The following SEMA5A variants were observed in gnomAD, a reference collection of about 807,000 sequenced individuals.
SEMA5A encodes the protein semaphorin-5A.
In SEMA5A, 55 loss-of-function variants were observed where a neutral mutation model predicts 135.5. The ratio of observed to expected loss-of-function variants is 0.41; its 90% CI spans 0.33 to 0.51. The LOEUF (loss-of-function observed/expected upper bound fraction) is 0.51. Ranked by LOEUF, SEMA5A falls within the 20% of genes least tolerant of loss-of-function variation. The pLI is 0.37. For missense variants in SEMA5A, 1,290 were observed against 1,419.9 expected (o/e 0.91, Z 1.47); for synonymous variants, 580 against 546.5 (o/e 1.06, Z -0.85).
Position 9,337,746 on chromosome 5 carries a change from T to A in SEMA5A, c.191A>T (p.Asp64Val). The stretch of plus-strand genomic sequence containing the variant: ...TACAACAAGTTCTTTCTGTCCTGGG[T>A]CAAATGTTAACTGCGAGAAATCCAC... ...NAVDFSQLTF[D>V]PGQKELVVGA... Residue 64 changes from aspartate (D) to valine (V), a missense_variant, in exon 4 of 23, where the codon GAC (aspartate) becomes GTC (valine). Asp to Val is a radical substitution (Grantham distance 152, BLOSUM62 -3). Around this residue, in one of 3 missense-constraint regions of SEMA5A, gnomAD observed 116 missense variants for 121.3 expected, o/e 0.96. Transcript: ENST00000382496. 6.2e-7 allele frequency: 1 copy of A among 1,611,942 alleles called. No individual in the cohort carries two copies. Among genetic ancestry groups the A allele is most frequent in the African/African-American group, 1.3e-5 (1 of 75,012 alleles).
intron 12 of SEMA5A, among the ~76,000 whole-genome samples, chr5:9,138,804 T>C (rs1390605171): frequency 2.6e-5 from 4 of 152,238 alleles, no homozygotes; most frequent in African/African-American, 9.6e-5. Context: ...GTCATTCTTA[T>C]GCCTTTGCAT....
At chr5:9,484,167 A>G (rs1351700163) in intron 1 of SEMA5A, among the ~76,000 whole-genome samples, 2 of 152,256 alleles carry the variant, frequency 1.3e-5, no homozygotes, top group Non-Finnish European at 2.9e-5. Context: ...ATTACATTTT[A>G]GACAACTTTT....
At chr5:9,271,740 G>A (rs1357541635) in intron 5 of SEMA5A, among the ~76,000 whole-genome samples, 1 of 152,146 alleles carries the variant, frequency 6.6e-6, no homozygotes, top group South Asian at 2.1e-4. Flanking sequence ...CCAAAGCAGG[G>A]TGGGGCATCA....
intron 15 of SEMA5A, among the ~76,000 whole-genome samples, chr5:9,109,118 G>A (rs1002423691): frequency 5.3e-5 from 7 of 133,296 alleles, no homozygotes; most frequent in African/African-American, 2.0e-4. Context: ...TCGGCTCACT[G>A]CAAGCTCCGC....
At chr5:9,377,872 C>G (rs1342492249) in intron 3 of SEMA5A, among the ~76,000 whole-genome samples, 1 of 151,948 alleles carries the variant, frequency 6.6e-6, no homozygotes, top group Non-Finnish European at 1.5e-5. Context: ...ATGAGTGATT[C>G]CCAGGTCTGT....
intron 19 of SEMA5A, 157 bp downstream of exon 19, chr5:9,053,930 T>C (rs1736738722): frequency 2.8e-6 from 2 of 714,076 alleles, no homozygotes; most frequent in Non-Finnish European, 2.2e-6. Context: ...ATAGATGCTA[T>C]GTTTTAAAGT....
intron 8 of SEMA5A, among the ~76,000 whole-genome samples, chr5:9,219,700 C>T (rs764452802): frequency 1.6e-4 from 25 of 152,138 alleles, no homozygotes; most frequent in Non-Finnish European, 2.2e-4. Context: ...GACTTTCAGC[C>T]TCCAGAAGTT....
chr5:9,384,595 G>GATAGATAGATAGATAC (rs1561207703), intron 2 of SEMA5A, among the ~76,000 whole-genome samples: 10 of 100,780 alleles, frequency 9.9e-5, no homozygotes, highest in Non-Finnish European at 1.9e-4. Flanking sequence ...TAGATAGATA[G>GATAGATAGATAGATAC]ATAGATAGAT....
chr5:9,333,627 C>T (rs1485282504), intron 4 of SEMA5A, among the ~76,000 whole-genome samples: 1 of 152,152 alleles, frequency 6.6e-6, no homozygotes, highest in Non-Finnish European at 1.5e-5. Context: ...TTATAATCTT[C>T]TATACAAAAA....
rs543672008 is a variant in SEMA5A at position 9,398,506 on chromosome 5, G to A, written c.-77-18483C>T. On this transcript the variant is annotated intron_variant, in intron 2 of 22. Transcript: ENST00000382496. ...ACAGATTGGAACAGAAAAGGTTATA[G>A]CAAGGGCCAGGTCTGCAAACACATT... 3.3e-5 allele frequency among the ~76,000 whole-genome samples: 5 copies of A among 152,310 alleles called. No individual in the cohort carries two copies. In the Middle Eastern group the frequency reaches 0.01, roughly 311 times the overall value.
Position 9,122,762 on chromosome 5 carries a change from C to T in SEMA5A, c.1675G>A (p.Ala559Thr), listed in dbSNP as rs763769951. The change falls in exon 14 of 23, where the codon GCC becomes ACC. Residue 559 changes from alanine (A) to threonine (T), a missense_variant. By Grantham distance (58) the Ala-to-Thr change is moderately conservative. Coordinates refer to ENST00000382496, the MANE Select transcript of SEMA5A (RefSeq NM_003966.3). ...GTTCGACAGAGGCAGGATCCCACGGCGCTGCCATCTGTGTGCGTGCAAGGC... is the reference window on the plus strand; with the variant it reads ...GTTCGACAGAGGCAGGATCCCACGGTGCTGCCATCTGTGTGCGTGCAAGGC... The part of the protein sequence containing the change: ...WTPCTHTDGS[A>T]VGSCLCRTRS... 9 of 1,613,578 alleles carry T rather than the reference C, an allele frequency of 5.6e-6. No individual in the cohort carries two copies. Among genetic ancestry groups the T allele is most frequent in the African/African-American group, 2.7e-5 (2 of 75,036 alleles).
At chr5:9,336,846 C>T (rs901115860) in intron 4 of SEMA5A, among the ~76,000 whole-genome samples, 1 of 152,166 alleles carries the variant, frequency 6.6e-6, no homozygotes, top group African/African-American at 2.4e-5. Flanking sequence ...ATGCTTTATA[C>T]TCTGGTACAT....
At chr5:9,331,977 A>C (rs1475165684) in intron 4 of SEMA5A, among the ~76,000 whole-genome samples, 1 of 152,276 alleles carries the variant, frequency 6.6e-6, no homozygotes, top group Non-Finnish European at 1.5e-5. Context: ...ATATCTAGAA[A>C]TACTGTAATG....
chr5:9,110,495 A>G (rs1451792110), intron 15 of SEMA5A, among the ~76,000 whole-genome samples: 1 of 152,250 alleles, frequency 6.6e-6, no homozygotes, highest in Non-Finnish European at 1.5e-5. Context: ...GGAAAGAAGG[A>G]GAAGAAGTGG....
intron 12 of SEMA5A, among the ~76,000 whole-genome samples, chr5:9,150,246 C>G (rs1742560819): frequency 6.6e-6 from 1 of 152,182 alleles, no homozygotes; most frequent in Non-Finnish European, 1.5e-5. Flanking sequence ...ACTCATGGTA[C>G]TCATAGCTGG....
rs146330909 is a variant in SEMA5A at position 9,226,962 on chromosome 5, T to C, written c.339A>G (p.Glu113=). Residue 113 remains glutamate (E), a synonymous_variant, in exon 7 of 23, where the codon GAA becomes GAG. Coordinates refer to ENST00000382496, the MANE Select transcript of SEMA5A (RefSeq NM_003966.3). Reference sequence around the variant, plus strand: ...GAAGCACCCGGATGTAGTTCTGACATTCCTCCTGAGGGAAAATAAATAAAT... The same window carrying C: ...GAAGCACCCGGATGTAGTTCTGACACTCCTCCTGAGGGAAAATAAATAAAT... ...ACYSKGKSKE[E]CQNYIRVLLV... 7.8e-5 allele frequency: 119 copies of C among 1,517,200 alleles called. No individual in the cohort carries two copies. In the African/African-American group the frequency reaches 1.4e-3, roughly 18 times the overall value. The allele number at this position is 1,517,200 out of a possible 1,614,324, so 94.0% of individuals were successfully genotyped here.
At chr5:9,369,793 A>G (rs76833395) in intron 3 of SEMA5A, among the ~76,000 whole-genome samples, 1 of 151,896 alleles carries the variant, frequency 6.6e-6, no homozygotes, top group East Asian at 1.9e-4. Context: ...AAAAAAAAAA[A>G]TGGCAGTGCA....
intron 1 of SEMA5A, among the ~76,000 whole-genome samples, chr5:9,481,899 T>C (rs769361259): frequency 1.3e-5 from 2 of 152,222 alleles, no homozygotes; most frequent in Non-Finnish European, 2.9e-5. Flanking sequence ...CACATCTGTC[T>C]GTCGCAGGCC....
rs1405308378 is a variant in SEMA5A at position 9,207,102 on chromosome 5, G to GTGTATATATA, written c.647-4863_647-4862insTATATATACA. Among the ~76,000 whole-genome samples the GTGTATATATA allele has an allele frequency of 1.0e-3, 99 of 97,660 alleles. 1 individual carries two copies. The highest frequency in any genetic ancestry group is 1.5e-3 in the Non-Finnish European group (71 of 48,896). The allele number at this position is 97,660 out of a possible 152,430, so 64.1% of individuals were successfully genotyped here. ...ACATAATGATAATGAATGATCAAGT[G>GTGTATATATA]TATATATATATATATATATATATAT... On this transcript the variant is annotated intron_variant, in intron 8 of 22. Coordinates refer to ENST00000382496, the MANE Select transcript of SEMA5A (RefSeq NM_003966.3).
Sources: gnomAD v4.1 joint callset for allele counts (sites outside exome capture counted in the v4.1 genomes callset) on GRCh38, gnomAD v4.1.1 for gene constraint, gnomAD v4.1.1 regional missense constraint, MANE v1.5 for transcripts, NCBI Gene and HGNC (gene_info 2026-07-23, HGNC 2026-07-21) for gene names.